Variants in C17orf67 observed in about 807,000 individuals in gnomAD.
The protein encoded by C17orf67 is uncharacterized protein C17orf67.
Under a neutral mutation model 11.2 loss-of-function variants are expected in C17orf67, and 12 were observed. The ratio of observed to expected loss-of-function variants is 1.07; its 90% CI spans 0.68 to 1.73. C17orf67 has a LOEUF of 1.73. Ranked by LOEUF, C17orf67 falls within the 40% of genes most tolerant of loss-of-function variation. The pLI, the probability that C17orf67 is intolerant of heterozygous loss-of-function variation, is 0.00. For synonymous variants in C17orf67, 59 were observed against 46.9 expected, an observed-to-expected ratio of 1.26 and a Z score of -1.05; for missense variants, 115 against 113.5, an observed-to-expected ratio of 1.01 and a Z score of -0.06.
At chr17:56,816,575 A>G (rs1905766721) in intron 4 of C17orf67, among the ~76,000 whole-genome samples, 1 of 152,216 alleles carries the variant, frequency 6.6e-6, no homozygotes, top group Non-Finnish European at 1.5e-5. Flanking sequence ...TCAAGTTCAC[A>G]CATTATGGAT....
At chr17:56,799,526 T>G (rs1244644814) in intron 6 of C17orf67, among the ~76,000 whole-genome samples, 2 of 152,202 alleles carry the variant, frequency 1.3e-5, no homozygotes, top group East Asian at 3.8e-4. Flanking sequence ...TGAATAAAAT[T>G]GCTATAAACA....
At chr17:56,829,364 A>T (rs1347000093) in intron 2 of C17orf67, among the ~76,000 whole-genome samples, 3 of 152,182 alleles carry the variant, frequency 2.0e-5, no homozygotes, top group Admixed American at 2.0e-4. Context: ...AAGAAGAGAG[A>T]TCCAGACTCT....
intron 6 of C17orf67, among the ~76,000 whole-genome samples, chr17:56,808,427 C>T (rs1905508751): frequency 6.6e-6 from 1 of 152,170 alleles, no homozygotes; most frequent in Non-Finnish European, 1.5e-5. Context: ...TCATACGCTA[C>T]CTCCATATGC....
intron 4 of C17orf67, among the ~76,000 whole-genome samples, chr17:56,823,295 G>A (rs2144146212): frequency 6.6e-6 from 1 of 152,224 alleles, no homozygotes; most frequent in Middle Eastern, 3.4e-3. Context: ...GGAGAGGTTA[G>A]GAGACTCTCT....
chr17:56,809,597 C>G (rs1194807354), intron 6 of C17orf67, among the ~76,000 whole-genome samples: 3 of 139,790 alleles, frequency 2.1e-5, no homozygotes, highest in Non-Finnish European at 4.7e-5. Context: ...ACACACCCCT[C>G]ACACACAACC....
intron 6 of C17orf67, among the ~76,000 whole-genome samples, chr17:56,811,279 G>A (rs1905618236): frequency 6.6e-6 from 1 of 152,164 alleles, no homozygotes; most frequent in Admixed American, 6.5e-5. Context: ...TCCAAAAGAG[G>A]AAGTGACTTA....
intron 6 of C17orf67, among the ~76,000 whole-genome samples, chr17:56,801,425 A>G (rs1905319159): frequency 6.6e-6 from 1 of 152,172 alleles, no homozygotes; most frequent in Non-Finnish European, 1.5e-5. Context: ...TTTTTAGAAC[A>G]CCCTCTAGGA....
At chr17:56,821,513 C>G (rs1292740282) in intron 4 of C17orf67, among the ~76,000 whole-genome samples, 1 of 152,104 alleles carries the variant, frequency 6.6e-6, no homozygotes, top group Admixed American at 6.5e-5. Context: ...TTGTCACCAC[C>G]CACATCTAGG....
intron 4 of C17orf67, among the ~76,000 whole-genome samples, chr17:56,820,767 CTTTTTTTTTTTTTTT>C (rs746734939): frequency 2.4e-5 from 3 of 122,512 alleles, no homozygotes; most frequent in Non-Finnish European, 5.1e-5. Context: ...GTGAGTTTCC[CTTTTTTTTTTTTTTT>C]TTTTTTTGGA....
At chr17:56,793,082 C>G (rs1046849904) in intron 7 of C17orf67, among the ~76,000 whole-genome samples, 2 of 151,566 alleles carry the variant, frequency 1.3e-5, no homozygotes, top group African/African-American at 4.9e-5. Context: ...GACGAGTAGA[C>G]CAAGGAAGAA....
intron 6 of C17orf67, among the ~76,000 whole-genome samples, chr17:56,798,362 T>C (rs952093281): frequency 1.7e-4 from 26 of 152,142 alleles, no homozygotes; most frequent in Non-Finnish European, 3.7e-4. Context: ...CACAGCAAAA[T>C]TGAGCAGAAA....
At chr17:56,814,409 A>G (rs1380669767) in intron 6 of C17orf67, among the ~76,000 whole-genome samples, 1 of 152,158 alleles carries the variant, frequency 6.6e-6, no homozygotes, top group Non-Finnish European at 1.5e-5. Context: ...AAGGCCAGAG[A>G]CCAAAATCAG....
intron 6 of C17orf67, among the ~76,000 whole-genome samples, chr17:56,811,661 T>G (rs921692658): frequency 6.6e-6 from 1 of 152,126 alleles, no homozygotes; most frequent in African/African-American, 2.4e-5. Context: ...GCACCTTGAG[T>G]AAGGAAGAAT....
At chr17:56,796,313 T>G (rs1393872689) in intron 6 of C17orf67, among the ~76,000 whole-genome samples, 1 of 151,988 alleles carries the variant, frequency 6.6e-6, no homozygotes, top group Non-Finnish European at 1.5e-5. Context: ...AATAAATGAG[T>G]GGATAAATAA....
chr17:56,809,639 TCA>T (rs1167547778), intron 6 of C17orf67, among the ~76,000 whole-genome samples: 19 of 97,816 alleles, frequency 1.9e-4, no homozygotes, highest in African/African-American at 4.1e-4. Context: ...ACACACACCC[TCA>T]CACACAGACC....
intron 4 of C17orf67, among the ~76,000 whole-genome samples, chr17:56,817,416 A>G (rs1418280752): frequency 1.3e-5 from 2 of 152,184 alleles, no homozygotes; most frequent in Non-Finnish European, 2.9e-5. Flanking sequence ...AATGTTAGCA[A>G]AGTTGTCTCA....
intron 6 of C17orf67, among the ~76,000 whole-genome samples, chr17:56,809,594 CCT>C (rs773765728): frequency 7.0e-6 from 1 of 143,668 alleles, no homozygotes; most frequent in Admixed American, 6.9e-5. Flanking sequence ...CACACACACC[CCT>C]CACACACAAC....
intron 4 of C17orf67, among the ~76,000 whole-genome samples, chr17:56,821,832 T>C (rs1905911726): frequency 6.6e-6 from 1 of 152,198 alleles, no homozygotes; most frequent in South Asian, 2.1e-4. Context: ...CTCAACCAGA[T>C]GACTTGTTTT....
intron 2 of C17orf67, among the ~76,000 whole-genome samples, chr17:56,832,558 G>A (rs919214912): frequency 6.6e-6 from 1 of 152,136 alleles, no homozygotes; most frequent in Middle Eastern, 3.2e-3. Flanking sequence ...AGTTACTGTG[G>A]GAGGATAGGA....
Sources: allele counts gnomAD v4.1 joint callset (sites outside exome capture counted in the v4.1 genomes callset), GRCh38; gene constraint gnomAD v4.1.1; transcripts MANE v1.5; gene names NCBI Gene and HGNC (gene_info 2026-07-23, HGNC 2026-07-21).